PCDH11Y: variants seen among roughly 807,000 people sequenced by gnomAD.
PCDH11Y encodes the protein protocadherin-11 Y-linked.
For missense variants in PCDH11Y, 12 were observed against 224.8 expected, an observed-to-expected ratio of 0.05 and a Z score of 6.05; for synonymous variants, 9 against 83.6, an observed-to-expected ratio of 0.11 and a Z score of 4.87.
chrY:5,302,507 T>A (rs1602901309), intron 2 of PCDH11Y, among the ~76,000 whole-genome samples: 2 of 31,940 alleles, frequency 6.3e-5, no homozygotes, highest in Admixed American at 2.9e-4. Flanking sequence ...AAAGGTTAAG[T>A]TGTTATTTGT....
chrY:5,521,528 A>G (rs1463117349), intron 3 of PCDH11Y, among the ~76,000 whole-genome samples: 68 of 32,783 alleles, frequency 2.1e-3, no homozygotes, highest in Middle Eastern at 0.014. Flanking sequence ...ATTGATGCCT[A>G]GATATAATTT....
rs2124704405 is a variant in PCDH11Y at position 5,636,261 on chromosome Y, C to T, written c.3352+54463C>T. On this transcript the variant is annotated intron_variant, in intron 4 of 4. Coordinates refer to the PCDH11Y transcript ENST00000400457. The stretch of plus-strand genomic sequence containing the variant: ...GTGAACTAAATAATGTCTCACAGTA[C>T]CCAATATTTTATTAATTGTTTCCCA... Among the ~76,000 whole-genome samples the T allele has an allele frequency of 4.2e-4, 14 of 33,648 alleles. No homozygotes were observed. The South Asian group carries it at 9.0e-3, about 22-fold the overall frequency. The allele number at this position is 33,648 out of a possible 37,273, so 90.3% of individuals were successfully genotyped here. A position where few individuals can be genotyped will look rare whatever the true frequency, so the allele number is the denominator to read the frequency against.
chrY:5,369,191 G>A (rs2053184902), intron 2 of PCDH11Y, among the ~76,000 whole-genome samples: 1 of 31,308 alleles, frequency 3.2e-5, no homozygotes, highest in Non-Finnish European at 7.7e-5. Context: ...GATTTGGAGG[G>A]GCCAGGGGCG....
chrY:5,286,320 G>A (rs2053060328), intron 2 of PCDH11Y, among the ~76,000 whole-genome samples: 13 of 32,137 alleles, frequency 4.0e-4, no homozygotes, highest in Non-Finnish European at 7.6e-4. Context: ...CTCCAACTTT[G>A]TTTTTTTTAC....
chrY:5,533,142 C>G (rs2053397109), intron 3 of PCDH11Y, among the ~76,000 whole-genome samples: 1 of 33,370 alleles, frequency 3.0e-5, no homozygotes, highest in African/African-American at 1.2e-4. Flanking sequence ...CTCTCTCCCC[C>G]TTTTCTTTTG....
downstream of PCDH11Y, among the ~76,000 whole-genome samples, chrY:5,102,202 T>C: frequency 3.1e-5 from 1 of 32,623 alleles, no homozygotes; most frequent in Non-Finnish European, 7.6e-5. Context: ...ACATAGTTAG[T>C]GGATCTGGGA....
rs371759839 is a variant in PCDH11Y, at chrY:5,254,246, G to A, written c.3129+153539G>A. On this transcript the variant is annotated intron_variant, in intron 2 of 4. Coordinates refer to the PCDH11Y transcript ENST00000400457. The stretch of plus-strand genomic sequence containing the variant: ...AGGAAACTTTTTGCAAAGAAATGGG[G>A]GAGAGGGAGTACATTTCAAAATTGT... 5.0e-3 allele frequency among the ~76,000 whole-genome samples: 167 copies of A among 33,524 alleles called. No individual in the cohort carries two copies. In the South Asian group the frequency reaches 0.073, roughly 15 times the overall value. The allele number at this position is 33,524 out of a possible 37,273, so 89.9% of individuals were successfully genotyped here. A position where few individuals can be genotyped will look rare whatever the true frequency, so the allele number is the denominator to read the frequency against.
At chrY:5,123,800 G>A in intron 2 of PCDH11Y, among the ~76,000 whole-genome samples, 1 of 32,938 alleles carries the variant, frequency 3.0e-5, no homozygotes, top group South Asian at 6.6e-4. Context: ...GAATGTGGAT[G>A]GGTATCTTAC....
intron 2 of PCDH11Y, among the ~76,000 whole-genome samples, chrY:5,318,385 G>C: frequency 3.1e-5 from 1 of 32,460 alleles, no homozygotes; most frequent in Admixed American, 2.9e-4. Flanking sequence ...ATCACGGAAA[G>C]TGACTCAATT....
intron 2 of PCDH11Y, among the ~76,000 whole-genome samples, chrY:5,143,955 T>A: frequency 3.0e-5 from 1 of 33,555 alleles, no homozygotes; most frequent in Non-Finnish European, 7.4e-5. Context: ...AATGAAGCTT[T>A]AAAAAGGAGT....
At chrY:5,386,038 G>T (rs2053214699) in intron 2 of PCDH11Y, among the ~76,000 whole-genome samples, 1 of 33,222 alleles carries the variant, frequency 3.0e-5, no homozygotes, top group South Asian at 6.6e-4. Context: ...AGTTCCTGTA[G>T]TGCTGGCTTG....
chrY:5,218,993 A>G, intron 2 of PCDH11Y, among the ~76,000 whole-genome samples: 1 of 34,100 alleles, frequency 2.9e-5, no homozygotes, highest in African/African-American at 1.1e-4. Context: ...AGATTATTTC[A>G]TTTAGTATAA....
chrY:5,055,744 G>C, upstream of PCDH11Y, among the ~76,000 whole-genome samples: 1 of 32,603 alleles, frequency 3.1e-5, no homozygotes, highest in African/African-American at 1.2e-4. Context: ...ATCCCTCATT[G>C]AATTTTGTCA....
chrY:5,366,814 G>A (rs2053180705), intron 2 of PCDH11Y, among the ~76,000 whole-genome samples: 1 of 27,830 alleles, frequency 3.6e-5, no homozygotes, highest in African/African-American at 1.4e-4. Context: ...TCTGCCTACC[G>A]GGTTCAAGTG....
intron 3 of PCDH11Y, among the ~76,000 whole-genome samples, chrY:5,046,833 C>T (rs1361073427): frequency 3.0e-5 from 1 of 33,462 alleles, no homozygotes; most frequent in Admixed American, 2.7e-4. Flanking sequence ...TTTTTAAGCC[C>T]GTCGGAAAAG....
At chrY:5,270,981 T>C (rs2053035344) in intron 2 of PCDH11Y, among the ~76,000 whole-genome samples, 1 of 33,594 alleles carries the variant, frequency 3.0e-5, no homozygotes, top group East Asian at 7.9e-4. Context: ...AGGGAAATGA[T>C]AATCTACCAA....
At chrY:5,156,591 T>C in intron 2 of PCDH11Y, among the ~76,000 whole-genome samples, 1 of 28,345 alleles carries the variant, frequency 3.5e-5, no homozygotes, top group Non-Finnish European at 8.3e-5. Context: ...ATTTGGATTA[T>C]AAAAATATTT....
intron 3 of PCDH11Y, among the ~76,000 whole-genome samples, chrY:5,548,432 A>G: frequency 3.0e-5 from 1 of 32,896 alleles, no homozygotes; most frequent in Non-Finnish European, 7.5e-5. Flanking sequence ...AAAGAGGCCA[A>G]ATCTACTAAT....
intron 2 of PCDH11Y, among the ~76,000 whole-genome samples, chrY:5,297,830 G>A: frequency 3.0e-5 from 1 of 33,323 alleles, no homozygotes. Flanking sequence ...AGTTAAAGCC[G>A]TGTACTATGA....
Sources: gnomAD v4.1 joint callset for allele counts (sites outside exome capture counted in the v4.1 genomes callset) on GRCh38, gnomAD v4.1.1 for gene constraint, MANE v1.5 for transcripts, NCBI Gene and HGNC (gene_info 2026-07-23, HGNC 2026-07-21) for gene names.